MGMT: variants seen among roughly 807,000 people sequenced by gnomAD.
MGMT encodes methylated-DNA--protein-cysteine methyltransferase.
In MGMT, 14 loss-of-function variants were observed where a neutral mutation model predicts 15.9. That is an observed-to-expected ratio of 0.88 (90% CI 0.58 to 1.37). MGMT has a LOEUF of 1.37. MGMT is among the 40% of genes most tolerant of loss of function. MGMT has a pLI of 0.00. For missense variants in MGMT, 282 were observed against 268.1 expected, an observed-to-expected ratio of 1.05 and a Z score of -0.36; for synonymous variants, 130 against 118.2, an observed-to-expected ratio of 1.10 and a Z score of -0.65.
At chr10:129,678,111 G>C (rs538583532) in intron 2 of MGMT, among the ~76,000 whole-genome samples, 1 of 152,124 alleles carries the variant, frequency 6.6e-6, no homozygotes. Flanking sequence ...ACTGAAAAGA[G>C]GAGGCTCAAG....
At chr10:129,554,474 G>A (rs1028405797) in intron 2 of MGMT, among the ~76,000 whole-genome samples, 6 of 152,240 alleles carry the variant, frequency 3.9e-5, no homozygotes, top group East Asian at 1.9e-4. Flanking sequence ...GGCCTGTTGC[G>A]TGGTTGTACG....
chr10:129,649,683 T>A (rs1376998530), intron 2 of MGMT, among the ~76,000 whole-genome samples: 1 of 152,180 alleles, frequency 6.6e-6, no homozygotes. Context: ...GGGCCCAAAG[T>A]TATAAATCTG....
intron 2 of MGMT, among the ~76,000 whole-genome samples, chr10:129,636,430 T>C (rs547972903): frequency 1.1e-3 from 165 of 152,368 alleles, no homozygotes; most frequent in Non-Finnish European, 2.0e-3. Flanking sequence ...GCAATGATGC[T>C]TATAGCCCAG....
At chr10:129,553,836 G>A (rs192943242) in intron 2 of MGMT, among the ~76,000 whole-genome samples, 7 of 152,318 alleles carry the variant, frequency 4.6e-5, no homozygotes, top group Middle Eastern at 3.4e-3. Context: ...TCTGTCTCCC[G>A]CTGGAAAGGC....
intron 2 of MGMT, among the ~76,000 whole-genome samples, chr10:129,546,117 G>A (rs548712738): frequency 2.2e-4 from 34 of 152,348 alleles, no homozygotes; most frequent in African/African-American, 6.5e-4. Context: ...TCATTTACTC[G>A]CTCATTCTCT....
chr10:129,750,330 G>A (rs1289604870), intron 3 of MGMT, among the ~76,000 whole-genome samples: 1 of 152,148 alleles, frequency 6.6e-6, no homozygotes, highest in Non-Finnish European at 1.5e-5. Flanking sequence ...TTCGTGTGAT[G>A]TCTAATTGTT....
chr10:129,631,682 G>A (rs1847211279), intron 2 of MGMT, among the ~76,000 whole-genome samples: 1 of 152,046 alleles, frequency 6.6e-6, no homozygotes, highest in Non-Finnish European at 1.5e-5. Flanking sequence ...AAATTAGCTG[G>A]GTGAGATGGT....
At chr10:129,512,654 G>A (rs1158130066) in intron 1 of MGMT, among the ~76,000 whole-genome samples, 3 of 152,224 alleles carry the variant, frequency 2.0e-5, no homozygotes, top group African/African-American at 4.8e-5. Flanking sequence ...AAGTGTTTCT[G>A]AGTTGAGTTG....
intron 3 of MGMT, among the ~76,000 whole-genome samples, chr10:129,736,385 C>T (rs970490002): frequency 1.3e-5 from 2 of 151,062 alleles, no homozygotes; most frequent in African/African-American, 4.9e-5. Flanking sequence ...GATTGCAACC[C>T]CTGCCTTTTT....
intron 1 of MGMT, among the ~76,000 whole-genome samples, chr10:129,512,949 C>T (rs1845700455): frequency 6.6e-6 from 1 of 152,148 alleles, no homozygotes; most frequent in Non-Finnish European, 1.5e-5. Context: ...TATTTGTACA[C>T]TGGTGTTCAT....
chr10:129,519,665 A>G lies in MGMT; in HGVS notation c.-12-16576A>G, dbSNP rs61751873. On this transcript the variant is annotated intron_variant, in intron 1 of 4. Coordinates refer to ENST00000651593, the MANE Select transcript of MGMT (RefSeq NM_002412.5). ...CATTCGGGACACTGAGTCATAAATC[A>G]TCCCATGTGTCTCATGCAAGAATTC... 1.1e-3 allele frequency among the ~76,000 whole-genome samples: 160 copies of G among 152,288 alleles called. 1 individual carries two copies. Among genetic ancestry groups the G allele is most frequent in the African/African-American group, 3.7e-3 (155 of 41,564 alleles).
At chr10:129,506,739 T>C (rs534718582) in intron 1 of MGMT, among the ~76,000 whole-genome samples, 64 of 150,670 alleles carry the variant, frequency 4.2e-4, no homozygotes, top group South Asian at 1.7e-3. Context: ...ATTTTTCTTT[T>C]CTCTGCCTTT....
intron 2 of MGMT, among the ~76,000 whole-genome samples, chr10:129,554,008 T>C (rs1846186659): frequency 6.6e-6 from 1 of 152,168 alleles, no homozygotes. Context: ...TGTGTGAATG[T>C]GATTGCAGGA....
intron 1 of MGMT, among the ~76,000 whole-genome samples, chr10:129,513,024 T>C (rs1481624767): frequency 2.6e-5 from 4 of 152,232 alleles, no homozygotes; most frequent in South Asian, 2.1e-4. Context: ...AGTGAACAGA[T>C]ACATTAAATG....
Position 129,639,333 on chromosome 10 carries a change from A to G in MGMT, c.126-68562A>G, listed in dbSNP as rs1423929428. Among the ~76,000 whole-genome samples, 6 of 152,218 alleles carry G rather than the reference A, an allele frequency of 3.9e-5. 1 individual carries two copies. The highest frequency in any genetic ancestry group is 7.4e-5 in the Non-Finnish European group (5 of 68,018). ...ATTCAGTTCACCAAAAAGACCTAAC[A>G]GTCTTAAATGGCTATGTACCTGACA... On this transcript the variant is annotated intron_variant, in intron 2 of 4. Transcript: ENST00000651593.
intron 3 of MGMT, among the ~76,000 whole-genome samples, chr10:129,738,653 A>G (rs1564780284): frequency 1.3e-5 from 2 of 152,246 alleles, no homozygotes; most frequent in African/African-American, 2.4e-5. Flanking sequence ...TATTGTGAAT[A>G]GTGCCGCAGT....
chr10:129,558,344 T>C (rs925129687), intron 2 of MGMT, among the ~76,000 whole-genome samples: 2 of 152,186 alleles, frequency 1.3e-5, no homozygotes, highest in Admixed American at 6.5e-5. Flanking sequence ...AGTGGAAACG[T>C]TATAGGATGC....
At chr10:129,544,723 C>T (rs1208833300) in intron 2 of MGMT, among the ~76,000 whole-genome samples, 2 of 152,240 alleles carry the variant, frequency 1.3e-5, no homozygotes, top group African/African-American at 4.8e-5. Context: ...GCCTGCCTCT[C>T]GGTCCCCTCG....
At chr10:129,646,737 TATA>T (rs1564747211) in intron 2 of MGMT, among the ~76,000 whole-genome samples, 3 of 105,180 alleles carry the variant, frequency 2.9e-5, no homozygotes, top group Admixed American at 2.0e-4. Flanking sequence ...TATATATATA[TATA>T]TATATATATA....
Sources: gnomAD v4.1 joint callset for allele counts (sites outside exome capture counted in the v4.1 genomes callset) on GRCh38, gnomAD v4.1.1 for gene constraint, MANE v1.5 for transcripts, NCBI Gene and HGNC (gene_info 2026-07-23, HGNC 2026-07-21) for gene names.